Variants in RNASEH2A observed in about 807,000 individuals in gnomAD.
RNASEH2A encodes RNase H(35).
RNASEH2A carries 30 observed loss-of-function variants against 32.7 expected under a neutral mutation model. That is an observed-to-expected ratio of 0.92 (90% CI 0.69 to 1.25). RNASEH2A has a LOEUF of 1.25. Among genes scored for constraint, RNASEH2A ranks in the 50% most tolerant of loss-of-function variants. The pLI is 0.00. For missense variants in RNASEH2A, 409 were observed against 398.1 expected (o/e 1.03, Z -0.23); for synonymous variants, 147 against 165.4 (o/e 0.89, Z 0.86).
chr19:12,813,257 C>G, intron 7 of RNASEH2A, 51 bp downstream of exon 7: 1 of 1,613,914 alleles, frequency 6.2e-7, no homozygotes, highest in African/African-American at 1.3e-5. Flanking sequence ...AGGAGGGAGG[C>G]CAGCGTTCAG....
intron 3 of RNASEH2A, 28 bp from the exon 4 acceptor site, chr19:12,807,391 A>T (rs755316413): frequency 2.5e-6 from 4 of 1,613,964 alleles, no homozygotes; most frequent in South Asian, 1.1e-5. Flanking sequence ...CTAGAATGAG[A>T]TTAACTGGGC....
intron 6 of RNASEH2A, among the ~76,000 whole-genome samples, chr19:12,811,213 T>G (rs1353065125): frequency 6.6e-6 from 1 of 152,156 alleles, no homozygotes; most frequent in Non-Finnish European, 1.5e-5. Context: ...AGAGCTGAAT[T>G]CCAGGCCATA....
chr19:12,807,659 C>T (rs887252136), intron 4 of RNASEH2A, 153 bp downstream of exon 4: 44 of 735,972 alleles, frequency 6.0e-5, no homozygotes, highest in Admixed American at 1.8e-4. Context: ...AGGCAGGGCG[C>T]AGTGGCTCAC....
chr19:12,809,676 A>G (rs1969044856), intron 4 of RNASEH2A, among the ~76,000 whole-genome samples: 1 of 152,214 alleles, frequency 6.6e-6, no homozygotes, highest in African/African-American at 2.4e-5. Context: ...CTCAGTTCCT[A>G]GAACAGTATG....
intron 4 of RNASEH2A, 183 bp downstream of exon 4, chr19:12,807,689 T>G (rs1969015339): frequency 3.1e-6 from 2 of 650,290 alleles, no homozygotes; most frequent in Non-Finnish European, 5.6e-6. Flanking sequence ...CGCAGCACTT[T>G]GGGAAGCCGC....
intron 4 of RNASEH2A, among the ~76,000 whole-genome samples, chr19:12,809,324 C>G (rs139695229): frequency 6.6e-6 from 1 of 152,350 alleles, no homozygotes; most frequent in African/African-American, 2.4e-5. Flanking sequence ...CCCAGCAGCT[C>G]TTGGACCCTC....
At chr19:12,807,550 A>C (rs764670359) in intron 4 of RNASEH2A, 44 bp downstream of exon 4, 6 of 1,497,220 alleles carry the variant, frequency 4.0e-6, no homozygotes, top group Middle Eastern at 1.7e-4. Context: ...TCTCAGGATA[A>C]AATGGGGACA....
Position 12,806,998 on chromosome 19 carries a change from T to G in RNASEH2A, c.128-10T>G. On this transcript the variant is annotated splice_polypyrimidine_tract_variant and intron_variant, in intron 1 of 7. Coordinates refer to ENST00000221486, the MANE Select transcript of RNASEH2A (RefSeq NM_006397.3). ...CCGGCTGCCAGAAAACTGACACCCC[T>G]TCTCCCCAGGCCCCATGGTCTACGC... 2 of 1,613,384 alleles carry G rather than the reference T, an allele frequency of 1.2e-6. No individual in the cohort carries two copies. Among genetic ancestry groups the G allele is most frequent in the Non-Finnish European group, 1.7e-6 (2 of 1,179,934 alleles).
intron 7 of RNASEH2A, 23 bp downstream of exon 7, chr19:12,813,229 G>C: frequency 6.2e-7 from 1 of 1,613,950 alleles, no homozygotes; most frequent in African/African-American, 1.3e-5. Flanking sequence ...GATGTCCTGG[G>C]GGTGCTATAG....
chr19:12,806,637 A>T lies in RNASEH2A; in HGVS notation c.-37A>T. The T allele has an allele frequency of 6.4e-7, 1 of 1,564,928 alleles. No homozygotes were observed. ...GCGCGCCGAGACCCGCTCCTGCAGT[A>T]TTAGTTCTTGCAGCTGGTGGTGGCG... On this transcript the variant is annotated 5_prime_UTR_variant, in exon 1 of 8. Transcript: ENST00000221486.
rs768517676 is a variant in RNASEH2A at position 12,806,632 on chromosome 19, G to A, written c.-42G>A. ...AAAACGCGCGCCGAGACCCGCTCCTGCAGTATTAGTTCTTGCAGCTGGTGG... is the reference window on the plus strand; with the variant it reads ...AAAACGCGCGCCGAGACCCGCTCCTACAGTATTAGTTCTTGCAGCTGGTGG... On this transcript the variant is annotated 5_prime_UTR_variant, in exon 1 of 8. Transcript: ENST00000221486. 4 of 1,561,702 alleles carry A rather than the reference G, an allele frequency of 2.6e-6. No homozygotes were observed. The highest frequency in any genetic ancestry group is 2.4e-5 in the South Asian group (2 of 84,948).
chr19:12,807,812 AT>A, intron 4 of RNASEH2A: 1 of 385,152 alleles, frequency 2.6e-6, no homozygotes, highest in South Asian at 2.1e-5. Context: ...GGCGCCTGTA[AT>A]CCTAGCTACT....
At position 12,806,728 on chromosome 19, in the gene RNASEH2A, C is replaced by G. The variant is rs1039519462; in HGVS notation, c.55C>G (p.Pro19Ala). 13 of 1,569,138 alleles carry G rather than the reference C, an allele frequency of 8.3e-6. No homozygotes were observed. The South Asian group carries it at 1.2e-4, about 14-fold the overall frequency. Reference sequence around the variant, plus strand: ...TACAGGCCGCTGTCGCCTGAGTTCGCCTGTGCCCGCGGTGTGCCGCAAGGA... The same window carrying G: ...TACAGGCCGCTGTCGCCTGAGTTCGGCTGTGCCCGCGGTGTGCCGCAAGGA... ...DNTGRCRLSS[P>A]VPAVCRKEPC... Residue 19 changes from proline (P) to alanine (A), a missense_variant, in exon 1 of 8, where the codon CCT becomes GCT. Pro to Ala is a conservative substitution (Grantham distance 27). Coordinates refer to ENST00000221486, the MANE Select transcript of RNASEH2A (RefSeq NM_006397.3).
Position 12,807,710 on chromosome 19 carries a change from TC to T in RNASEH2A, c.411+205del, listed in dbSNP as rs1969016039. On this transcript the variant is annotated intron_variant, in intron 4 of 7. Coordinates refer to ENST00000221486, the MANE Select transcript of RNASEH2A (RefSeq NM_006397.3). ...ACTTTGGGAAGCCGCGGCGGGTAGA[TC>T]ACCGGAGGTCAAGAGTTCGAGACCA... The T allele has an allele frequency of 6.7e-6, 4 of 600,114 alleles. No individual in the cohort carries two copies. In the South Asian group the frequency reaches 7.2e-5, roughly 11 times the overall value. 37.2% of individuals were successfully genotyped at this position (600,114 alleles called of 1,614,324 possible).
chr19:12,811,403 A>G (rs1466013358), intron 6 of RNASEH2A, among the ~76,000 whole-genome samples: 1 of 151,758 alleles, frequency 6.6e-6, no homozygotes, highest in Admixed American at 6.6e-5. Flanking sequence ...TGAGTCCTCG[A>G]GTTCAAGACC....
intron 6 of RNASEH2A, among the ~76,000 whole-genome samples, chr19:12,811,809 C>T (rs1383172844): frequency 2.6e-5 from 4 of 151,556 alleles, no homozygotes; most frequent in African/African-American, 9.7e-5. Context: ...CCCAGCAACT[C>T]GGGAGGCTGA....
In RNASEH2A at chr19:12,813,554, G is replaced by A; in HGVS notation, c.*88G>A. The stretch of plus-strand genomic sequence containing the variant: ...CCACACGTAGGGGATGTACTTTTGG[G>A]ACAGAAGCAAGGTGGGAGTGTGCTC... On this transcript the variant is annotated 3_prime_UTR_variant, in exon 8 of 8. Transcript: ENST00000221486. The A allele has an allele frequency of 1.3e-6, 2 of 1,571,220 alleles. No homozygotes were observed. The highest frequency in any genetic ancestry group is 1.7e-6 in the Non-Finnish European group (2 of 1,153,620).
In RNASEH2A at chr19:12,806,621, G is replaced by T; in HGVS notation, c.-53G>T. On this transcript the variant is annotated 5_prime_UTR_variant, in exon 1 of 8. Transcript: ENST00000221486. ...GAGGCCCGCGGAAAACGCGCGCCGA[G>T]ACCCGCTCCTGCAGTATTAGTTCTT... is the stretch of plus-strand genomic sequence containing the variant. The T allele has an allele frequency of 6.4e-7, 1 of 1,555,486 alleles. No individual in the cohort carries two copies. Among genetic ancestry groups the T allele is most frequent in the South Asian group, 1.2e-5 (1 of 84,358 alleles).
At chr19:12,809,919 G>A in intron 4 of RNASEH2A, 152 bp from the exon 5 acceptor site, 1 of 1,016,632 alleles carries the variant, frequency 9.8e-7, no homozygotes, top group South Asian at 1.3e-5. Flanking sequence ...TGGTCTAGGA[G>A]GAGATGTTCG....
Sources: gnomAD v4.1 joint callset for allele counts (sites outside exome capture counted in the v4.1 genomes callset) on GRCh38, gnomAD v4.1.1 for gene constraint, MANE v1.5 for transcripts, NCBI Gene and HGNC (gene_info 2026-07-23, HGNC 2026-07-21) for gene names.